The following RAB22A variants were observed in gnomAD, a reference collection of about 807,000 sequenced individuals.
RAB22A encodes the protein RAB22A, member RAS oncogene family, also known as ras-related protein Rab-22A.
RAB22A carries 13 observed loss-of-function variants against 30.2 expected under a neutral mutation model. The observed-to-expected ratio is 0.43, with a 90% CI of 0.28 to 0.68. RAB22A has a LOEUF of 0.68. Ranked by LOEUF, RAB22A falls within the 30% of genes least tolerant of loss-of-function variation. The pLI is 0.18. For missense variants in RAB22A, 177 were observed against 246.8 expected (o/e 0.72, Z 1.89); for synonymous variants, 89 against 87.2 (o/e 1.02, Z -0.11).
At position 58,366,826 on chromosome 20, in the gene RAB22A, C is replaced by G. The variant is rs931251561; in HGVS notation, c.*7123C>G. 2.0e-5 allele frequency: 3 copies of G among 152,246 alleles called. No homozygotes were observed. Among genetic ancestry groups the G allele is most frequent in the Non-Finnish European group, 2.9e-5 (2 of 68,014 alleles). The allele number at this position is 152,246 out of a possible 1,614,324, so 9.4% of individuals were successfully genotyped here. On this transcript the variant is annotated 3_prime_UTR_variant, in exon 7 of 7. Coordinates refer to ENST00000244040, the MANE Select transcript of RAB22A (RefSeq NM_020673.3). ...GTTAACATAAGTGGTCAGAACTTCG[C>G]TGAATTTGTAATAAAGCATTTGTTA...
At chr20:58,325,434 G>A (rs1022155251) in intron 2 of RAB22A, among the ~76,000 whole-genome samples, 1 of 151,870 alleles carries the variant, frequency 6.6e-6, no homozygotes, top group Non-Finnish European at 1.5e-5. Context: ...CCAAGATGGC[G>A]CCACTGCACT....
chr20:58,348,151 C>T (rs970047143), intron 3 of RAB22A, among the ~76,000 whole-genome samples: 5 of 151,982 alleles, frequency 3.3e-5, no homozygotes, highest in African/African-American at 1.2e-4. Context: ...CACTTGATCC[C>T]GGGAGGTGGA....
chr20:58,360,395 A>C lies in RAB22A; in HGVS notation c.*692A>C, dbSNP rs1469463860. ...TTGGCACCTTTTTAAATAAGCTCTC[A>C]TGATCAAGATGGTGATGGTAGAGAA... On this transcript the variant is annotated 3_prime_UTR_variant, in exon 7 of 7. Coordinates refer to ENST00000244040, the MANE Select transcript of RAB22A (RefSeq NM_020673.3). 1 of 152,658 alleles carries C rather than the reference A, an allele frequency of 6.6e-6. No individual in the cohort carries two copies. Among genetic ancestry groups the C allele is most frequent in the Non-Finnish European group, 1.5e-5 (1 of 68,032 alleles). The allele number at this position is 152,658 out of a possible 1,614,324, so 9.5% of individuals were successfully genotyped here.
At chr20:58,343,145 AGGT>A (rs1418587309) in intron 2 of RAB22A, among the ~76,000 whole-genome samples, 1 of 152,146 alleles carries the variant, frequency 6.6e-6, no homozygotes, top group East Asian at 1.9e-4. Flanking sequence ...GATGAAATGC[AGGT>A]GGTCGTCAGG....
In RAB22A at chr20:58,362,083, T is replaced by G. The variant is rs140896937; in HGVS notation, c.*2380T>G. ...ATGAGTGATATGAAGCTTGTACTTA[T>G]GCATTTCTCGGGCCTCTTCCCTCAT... is the stretch of plus-strand genomic sequence containing the variant. On this transcript the variant is annotated 3_prime_UTR_variant, in exon 7 of 7. Coordinates refer to ENST00000244040, the MANE Select transcript of RAB22A (RefSeq NM_020673.3). 6.6e-5 allele frequency: 10 copies of G among 152,210 alleles called. No individual in the cohort carries two copies. Among genetic ancestry groups the G allele is most frequent in the Non-Finnish European group, 1.2e-4 (8 of 68,040 alleles). The allele number at this position is 152,210 out of a possible 1,614,324, so 9.4% of individuals were successfully genotyped here.
intron 2 of RAB22A, among the ~76,000 whole-genome samples, chr20:58,342,611 G>A (rs983425237): frequency 1.1e-4 from 16 of 150,452 alleles, no homozygotes; most frequent in Middle Eastern, 3.4e-3. Flanking sequence ...GGAGTGATTT[G>A]GGTACAACTT....
chr20:58,309,761 G>A lies in RAB22A; in HGVS notation c.-216G>A, dbSNP rs1396941555. On this transcript the variant is annotated 5_prime_UTR_variant, in exon 1 of 7. Coordinates refer to ENST00000244040, the MANE Select transcript of RAB22A (RefSeq NM_020673.3). Reference sequence around the variant, plus strand: ...AAGATGGCGGCGGCGGCGGCTCCCGGAAGGCCGCGGCGGCGTCCCGGCTGC... The same window carrying A: ...AAGATGGCGGCGGCGGCGGCTCCCGAAAGGCCGCGGCGGCGTCCCGGCTGC... 3.2e-6 allele frequency: 1 copy of A among 308,470 alleles called. No individual in the cohort carries two copies. The highest frequency in any genetic ancestry group is 5.7e-6 in the Non-Finnish European group (1 of 174,862). 19.1% of individuals were successfully genotyped at this position (308,470 alleles called of 1,614,324 possible).
intron 2 of RAB22A, among the ~76,000 whole-genome samples, chr20:58,317,632 C>A (rs1415912293): frequency 1.4e-5 from 2 of 147,608 alleles, no homozygotes; most frequent in Non-Finnish European, 3.0e-5. Flanking sequence ...GATCTCGGCT[C>A]ACTGCAAGCT....
rs1443902974 is a variant in RAB22A at position 58,366,147 on chromosome 20, C to T, written c.*6444C>T. 1 of 152,142 alleles carries T rather than the reference C, an allele frequency of 6.6e-6. No homozygotes were observed. The highest frequency in any genetic ancestry group is 1.5e-5 in the Non-Finnish European group (1 of 68,036). The allele number at this position is 152,142 out of a possible 1,614,324, so 9.4% of individuals were successfully genotyped here. A position where few individuals can be genotyped will look rare whatever the true frequency, so the allele number is the denominator to read the frequency against. On this transcript the variant is annotated 3_prime_UTR_variant, in exon 7 of 7. Coordinates refer to ENST00000244040, the MANE Select transcript of RAB22A (RefSeq NM_020673.3). ...GTCTCTGTGATTGAAGCAGACTTCTCGCTTTATTTCCCTTAGGCTCATTTT... is the reference window on the plus strand; with the variant it reads ...GTCTCTGTGATTGAAGCAGACTTCTTGCTTTATTTCCCTTAGGCTCATTTT...
chr20:58,343,751 A>G lies in RAB22A; in HGVS notation c.150A>G (p.Gln50=). 1 of 1,611,504 alleles carries G rather than the reference A, an allele frequency of 6.2e-7. No individual in the cohort carries two copies. The highest frequency in any genetic ancestry group is 8.5e-7 in the Non-Finnish European group (1 of 1,177,584). ...ASFMTKTVQY[Q]NELHKFLIWD... ...TTATGACCAAGACTGTCCAGTACCA[A>G]AATGAGCTACATAAATTCCTAATCT... The change falls in exon 3 of 7, where the codon CAA becomes CAG. Residue 50 remains glutamine, a synonymous_variant. Transcript: ENST00000244040.
At chr20:58,340,183 C>T (rs1426694099) in intron 2 of RAB22A, among the ~76,000 whole-genome samples, 1 of 152,102 alleles carries the variant, frequency 6.6e-6, no homozygotes, top group Non-Finnish European at 1.5e-5. Flanking sequence ...AGAGACACCC[C>T]CTCCTTCCAA....
chr20:58,330,092 T>G (rs1219134658), intron 2 of RAB22A, among the ~76,000 whole-genome samples: 2 of 152,242 alleles, frequency 1.3e-5, no homozygotes, highest in African/African-American at 4.8e-5. Context: ...AGAGATGACT[T>G]AAAGTATATG....
rs1286487348 is a variant in RAB22A, at chr20:58,359,945, C to T, written c.*242C>T. The T allele has an allele frequency of 4.1e-6, 1 of 244,258 alleles. No individual in the cohort carries two copies. Among genetic ancestry groups the T allele is most frequent in the African/African-American group, 2.2e-5 (1 of 44,534 alleles). The allele number at this position is 244,258 out of a possible 1,614,324, so 15.1% of individuals were successfully genotyped here. On this transcript the variant is annotated 3_prime_UTR_variant, in exon 7 of 7. Transcript: ENST00000244040. Reference sequence around the variant, plus strand: ...AGGGACTACATCGTTGGCTTTTGACCTTGCTGAAAAGGAACATATAATTGT... The same window carrying T: ...AGGGACTACATCGTTGGCTTTTGACTTTGCTGAAAAGGAACATATAATTGT...
chr20:58,364,024 G>A lies in RAB22A; in HGVS notation c.*4321G>A, dbSNP rs543941204. 7.9e-5 allele frequency: 12 copies of A among 152,694 alleles called. No individual in the cohort carries two copies. In the South Asian group the frequency reaches 2.1e-3, roughly 26 times the overall value. 9.5% of individuals were successfully genotyped at this position (152,694 alleles called of 1,614,324 possible). ...ATAAATCCAGGCAGTTTGATTATCC[G>A]ATTTGCAAGAAACTTTAATGGAATT... On this transcript the variant is annotated 3_prime_UTR_variant, in exon 7 of 7. Transcript: ENST00000244040.
At chr20:58,318,439 A>G (rs1986386761) in intron 2 of RAB22A, among the ~76,000 whole-genome samples, 1 of 152,216 alleles carries the variant, frequency 6.6e-6, no homozygotes, top group Admixed American at 6.5e-5. Context: ...GAGCAACAGT[A>G]TGACACTCAC....
At position 58,362,097 on chromosome 20, in the gene RAB22A, C is replaced by CTCTTCCCTCATTTTCATCAGTCTG. The variant is rs1987237245; in HGVS notation, c.*2398_*2421dup. Reference sequence around the variant, plus strand: ...GCTTGTACTTATGCATTTCTCGGGCCTCTTCCCTCATTTTCATCAGTCTGT... The same window carrying CTCTTCCCTCATTTTCATCAGTCTG: ...GCTTGTACTTATGCATTTCTCGGGCCTCTTCCCTCATTTTCATCAGTCTGTCTTCCCTCATTTTCATCAGTCTGT... On this transcript the variant is annotated 3_prime_UTR_variant, in exon 7 of 7. Coordinates refer to ENST00000244040, the MANE Select transcript of RAB22A (RefSeq NM_020673.3). 1 of 152,056 alleles carries CTCTTCCCTCATTTTCATCAGTCTG rather than the reference C, an allele frequency of 6.6e-6. No individual in the cohort carries two copies. The highest frequency in any genetic ancestry group is 2.1e-4 in the South Asian group (1 of 4,810). The allele number at this position is 152,056 out of a possible 1,614,324, so 9.4% of individuals were successfully genotyped here. A position where few individuals can be genotyped will look rare whatever the true frequency, so the allele number is the denominator to read the frequency against.
chr20:58,317,996 C>G (rs905157281), intron 2 of RAB22A, among the ~76,000 whole-genome samples: 5 of 152,146 alleles, frequency 3.3e-5, no homozygotes, highest in Admixed American at 2.0e-4. Context: ...GCTAGGACAA[C>G]AATAGCACGA....
At chr20:58,317,551 T>C (rs935767990) in intron 2 of RAB22A, among the ~76,000 whole-genome samples, 2 of 150,504 alleles carry the variant, frequency 1.3e-5, no homozygotes, top group Non-Finnish European at 3.0e-5. Context: ...ATGGTAGTTA[T>C]TATTCTTTTT....
chr20:58,314,609 G>A (rs1430821343), intron 2 of RAB22A, among the ~76,000 whole-genome samples: 4 of 152,164 alleles, frequency 2.6e-5, no homozygotes, highest in Non-Finnish European at 5.9e-5. Context: ...CGGAGGCCAA[G>A]ACGGGTGGAT....
Sources: allele counts gnomAD v4.1 joint callset (sites outside exome capture counted in the v4.1 genomes callset), GRCh38; gene constraint gnomAD v4.1.1; transcripts MANE v1.5; gene names NCBI Gene and HGNC (gene_info 2026-07-23, HGNC 2026-07-21).